The following SETD2 variants were observed in gnomAD, a reference collection of about 807,000 sequenced individuals.
SETD2 encodes the protein histone-lysine N-methyltransferase SETD2.
Under a neutral mutation model 242.1 loss-of-function variants are expected in SETD2, and 31 were observed. That is an observed-to-expected ratio of 0.13 (90% CI 0.10 to 0.17). SETD2 has a LOEUF of 0.17. Among genes scored for constraint, SETD2 ranks in the 10% least tolerant of loss-of-function variants. SETD2 has a pLI of 1.00. For missense variants in SETD2, 2,481 were observed against 3,046.3 expected (o/e 0.81, Z 4.37); for synonymous variants, 1,006 against 1,066.5 (o/e 0.94, Z 1.11).
chr3:47,084,845 C>T (rs1228591357), intron 11 of SETD2, among the ~76,000 whole-genome samples: 1 of 151,956 alleles, frequency 6.6e-6, no homozygotes, highest in African/African-American at 2.4e-5. Context: ...ATTCTCCTGC[C>T]TCAGCCTCCC....
intron 9 of SETD2, among the ~76,000 whole-genome samples, chr3:47,089,496 T>C (rs1361273333): frequency 6.6e-6 from 1 of 152,106 alleles, no homozygotes; most frequent in African/African-American, 2.4e-5. Flanking sequence ...TGGTAACCTC[T>C]AGGTAGGGAG....
At chr3:47,143,673 T>G (rs2043786547) in intron 1 of SETD2, among the ~76,000 whole-genome samples, 1 of 152,210 alleles carries the variant, frequency 6.6e-6, no homozygotes, top group African/African-American at 2.4e-5. Context: ...CTTTATCCCA[T>G]TGGTTTTATA....
In SETD2 at chr3:47,121,113, C is replaced by T. The variant is rs2106640151; in HGVS notation, c.3523G>A (p.Asp1175Asn). 3 of 1,614,104 alleles carry T rather than the reference C, an allele frequency of 1.9e-6. No homozygotes were observed. The highest frequency in any genetic ancestry group is 2.5e-6 in the Non-Finnish European group (3 of 1,179,996). ...SDGVDSTSHT[D>N]VKSDPLGHPN... ...TGACCCAGAGGGTCAGATTTCACAT[C>T]TGTATGACTTGTACTATCAACCCCA... Residue 1175 changes from aspartate to asparagine, a missense_variant, in exon 3 of 21, where the codon GAT becomes AAT. By Grantham distance (23) the Asp-to-Asn change is conservative (BLOSUM62 1). Coordinates refer to ENST00000409792, the MANE Select transcript of SETD2 (RefSeq NM_014159.7).
chr3:47,104,630 GTCA>G (rs1265431936), intron 6 of SETD2, among the ~76,000 whole-genome samples: 1 of 152,146 alleles, frequency 6.6e-6, no homozygotes, highest in Non-Finnish European at 1.5e-5. Context: ...CTCACTTAAA[GTCA>G]TCAACAGGTT....
chr3:47,079,602 C>G (rs935867103), intron 12 of SETD2, among the ~76,000 whole-genome samples: 4 of 152,184 alleles, frequency 2.6e-5, no homozygotes, highest in Non-Finnish European at 5.9e-5. Context: ...CAGATGTTGG[C>G]AAACTTTTTC....
At position 47,021,190 on chromosome 3, in the gene SETD2, G is replaced by A. The variant is rs187080660; in HGVS notation, c.7351-1350C>T. ...CCACAGTAAGACCTTAGGTAGCAAG[G>A]GATCAAGAATTATTTGAGTAAGTCA... is the stretch of plus-strand genomic sequence containing the variant. On this transcript the variant is annotated intron_variant, in intron 18 of 20. Coordinates refer to ENST00000409792, the MANE Select transcript of SETD2 (RefSeq NM_014159.7). 1.9e-3 allele frequency among the ~76,000 whole-genome samples: 290 copies of A among 152,148 alleles called. 1 individual carries two copies. Among genetic ancestry groups the A allele is most frequent in the South Asian group, 5.8e-3 (28 of 4,812 alleles).
rs1257613067 is a variant in SETD2 at position 47,117,273 on chromosome 3, A to AC, written c.4455-520_4455-519insG. Among the ~76,000 whole-genome samples the AC allele has an allele frequency of 1.8e-3, 252 of 139,008 alleles. 6 individuals carry two copies. Among genetic ancestry groups the AC allele is most frequent in the African/African-American group, 7.4e-3 (240 of 32,286 alleles). The allele number at this position is 139,008 out of a possible 152,430, so 91.2% of individuals were successfully genotyped here. A position where few individuals can be genotyped will look rare whatever the true frequency, so the allele number is the denominator to read the frequency against. On this transcript the variant is annotated intron_variant, in intron 3 of 20. Coordinates refer to ENST00000409792, the MANE Select transcript of SETD2 (RefSeq NM_014159.7). ...AGACCTGCATTACCAAAAAAAAAAA[A>AC]AAAAAAACAAACAAAAAAAAAAACA... is the stretch of plus-strand genomic sequence containing the variant.
chr3:47,051,573 T>C (rs1406847552), intron 15 of SETD2, among the ~76,000 whole-genome samples: 4 of 152,224 alleles, frequency 2.6e-5, no homozygotes, highest in African/African-American at 9.6e-5. Flanking sequence ...TAAGACCCTA[T>C]TGTAACTTCT....
intron 18 of SETD2, among the ~76,000 whole-genome samples, chr3:47,027,942 C>A (rs2038578031): frequency 6.6e-6 from 1 of 151,966 alleles, no homozygotes; most frequent in Non-Finnish European, 1.5e-5. Flanking sequence ...CAGGCGCCCC[C>A]CCGCACACCT....
chr3:47,090,105 G>A (rs7621911), intron 9 of SETD2, among the ~76,000 whole-genome samples: 94,106 of 151,798 alleles, frequency 0.62, 29,746 homozygotes, highest in African/African-American at 0.75. Context: ...AAAATTAGCC[G>A]GGCATCGTGG....
At chr3:47,103,108 T>C in intron 7 of SETD2, among the ~76,000 whole-genome samples, 1 of 152,186 alleles carries the variant, frequency 6.6e-6, no homozygotes, top group South Asian at 2.1e-4. Context: ...ATTATGGTTA[T>C]ATATGATGTT....
intron 1 of SETD2, among the ~76,000 whole-genome samples, chr3:47,131,293 CA>C (rs2043468930): frequency 2.0e-5 from 3 of 152,158 alleles, no homozygotes. Context: ...CTGTGACCAA[CA>C]AATAGAAGTT....
At chr3:47,018,507 A>G (rs147393732) in intron 19 of SETD2, among the ~76,000 whole-genome samples, 2 of 152,356 alleles carry the variant, frequency 1.3e-5, no homozygotes, top group Admixed American at 1.3e-4. Context: ...GAACAAGGCT[A>G]TATCACAAGG....
At chr3:47,106,822 A>AT (rs1164789734) in intron 5 of SETD2, among the ~76,000 whole-genome samples, 11 of 151,636 alleles carry the variant, frequency 7.3e-5, no homozygotes, top group Non-Finnish European at 1.6e-4. Flanking sequence ...AAAAAAAAAA[A>AT]AAAAGGAAAA....
intron 4 of SETD2, among the ~76,000 whole-genome samples, chr3:47,114,594 G>T (rs2042782129): frequency 6.6e-6 from 1 of 152,050 alleles, no homozygotes; most frequent in African/African-American, 2.4e-5. Flanking sequence ...CTACACCAGA[G>T]GGGGCTGAGT....
At chr3:47,065,812 A>G (rs753388737) in intron 13 of SETD2, among the ~76,000 whole-genome samples, 15 of 152,200 alleles carry the variant, frequency 9.9e-5, no homozygotes, top group Admixed American at 2.0e-4. Context: ...TCTAAAAAAT[A>G]AATCAATAAA....
intron 17 of SETD2, among the ~76,000 whole-genome samples, chr3:47,039,372 G>A (rs920651788): frequency 6.6e-5 from 10 of 151,814 alleles, no homozygotes; most frequent in African/African-American, 2.2e-4. Context: ...GTGTCACCAC[G>A]CCCAGCTAAT....
intron 12 of SETD2, among the ~76,000 whole-genome samples, chr3:47,079,640 A>G (rs935963245): frequency 1.3e-5 from 2 of 152,210 alleles, no homozygotes; most frequent in Non-Finnish European, 2.9e-5. Flanking sequence ...TAAATATTTT[A>G]GGCTTTGTGA....
intron 1 of SETD2, among the ~76,000 whole-genome samples, chr3:47,140,725 G>A (rs1032684156): frequency 1.3e-5 from 2 of 152,098 alleles, no homozygotes; most frequent in African/African-American, 4.8e-5. Flanking sequence ...GCCAGGCATG[G>A]TGGCAGTCAT....
Sources: gnomAD v4.1 joint callset for allele counts (sites outside exome capture counted in the v4.1 genomes callset) on GRCh38, gnomAD v4.1.1 for gene constraint, MANE v1.5 for transcripts, NCBI Gene and HGNC (gene_info 2026-07-23, HGNC 2026-07-21) for gene names.